The following IL1RAPL1 variants were observed in gnomAD, a reference collection of about 807,000 sequenced individuals.
The protein encoded by IL1RAPL1 is interleukin-1 receptor accessory protein-like 1.
In IL1RAPL1, 3 loss-of-function variants were observed where a neutral mutation model predicts 48.4. The ratio of observed to expected loss-of-function variants is 0.06; its 90% CI spans 0.03 to 0.16. The LOEUF (loss-of-function observed/expected upper bound fraction) is 0.16, where lower values mean the gene tolerates loss of function less well. IL1RAPL1 is among the 10% of genes least tolerant of loss of function. IL1RAPL1 has a pLI of 1.00. For missense variants in IL1RAPL1, 349 were observed against 530.6 expected (o/e 0.66, Z 3.36); for synonymous variants, 185 against 187.7 (o/e 0.99, Z 0.12).
At chrX:29,140,258 C>T (rs187686627) in intron 2 of IL1RAPL1, among the ~76,000 whole-genome samples, 138 of 111,884 alleles carry the variant, frequency 1.2e-3, no homozygotes, top group South Asian at 2.6e-3. Flanking sequence ...TAGGCCACAC[C>T]TCTAATATTG....
chrX:28,909,008 G>C (rs914734746), intron 2 of IL1RAPL1, among the ~76,000 whole-genome samples: 1 of 110,960 alleles, frequency 9.0e-6, no homozygotes, highest in Non-Finnish European at 1.9e-5. Context: ...GGCTATTCCA[G>C]CTGTTTTTTT....
chrX:28,906,743 AT>A (rs1474138352), intron 2 of IL1RAPL1, among the ~76,000 whole-genome samples: 2 of 111,495 alleles, frequency 1.8e-5, no homozygotes, highest in Admixed American at 9.6e-5. Context: ...CATTCTTTTC[AT>A]TTTTTTCATT....
At chrX:28,944,641 A>G (rs1029917315) in intron 2 of IL1RAPL1, among the ~76,000 whole-genome samples, 3 of 111,050 alleles carry the variant, frequency 2.7e-5, no homozygotes, top group African/African-American at 9.8e-5. Flanking sequence ...AATATCCGAC[A>G]TGAAAAAAGC....
At chrX:29,172,435 T>C (rs973040272) in intron 2 of IL1RAPL1, among the ~76,000 whole-genome samples, 1 of 111,427 alleles carries the variant, frequency 9.0e-6, no homozygotes, top group Admixed American at 9.6e-5. Context: ...AATTTTATTG[T>C]ATATATTTGA....
At chrX:29,832,268 T>C (rs1930897491) in intron 6 of IL1RAPL1, among the ~76,000 whole-genome samples, 1 of 112,023 alleles carries the variant, frequency 8.9e-6, no homozygotes, top group African/African-American at 3.2e-5. Flanking sequence ...CTTAAAAGTG[T>C]GCATATTATT....
intron 6 of IL1RAPL1, among the ~76,000 whole-genome samples, chrX:29,801,776 A>C (rs1388610384): frequency 8.9e-6 from 1 of 111,794 alleles, no homozygotes; most frequent in Non-Finnish European, 1.9e-5. Flanking sequence ...CTGTTTTACA[A>C]GTGGCATGGT....
intron 2 of IL1RAPL1, among the ~76,000 whole-genome samples, chrX:29,023,104 C>T (rs1926409026): frequency 8.9e-6 from 1 of 112,194 alleles, no homozygotes; most frequent in Admixed American, 9.5e-5. Flanking sequence ...ATAAACTCTA[C>T]TGCAGCCTCT....
chrX:29,734,596 A>C (rs1337920071), intron 6 of IL1RAPL1, among the ~76,000 whole-genome samples: 1 of 112,310 alleles, frequency 8.9e-6, no homozygotes, highest in East Asian at 2.8e-4. Flanking sequence ...CTAGTAAATA[A>C]CTGCCATTCT....
intron 5 of IL1RAPL1, among the ~76,000 whole-genome samples, chrX:29,637,749 C>A (rs1925020842): frequency 1.8e-5 from 2 of 111,646 alleles, no homozygotes. Flanking sequence ...AAAGCAGTAT[C>A]TCATCCCCTT....
At chrX:29,333,690 T>C (rs781608387) in intron 3 of IL1RAPL1, among the ~76,000 whole-genome samples, 86 of 32,438 alleles carry the variant, frequency 2.7e-3, no homozygotes, top group African/African-American at 4.3e-3. Flanking sequence ...CCGGACTGGG[T>C]GGCTGGCCGG....
rs980916327 is a variant in IL1RAPL1, at chrX:28,588,985, T to A, written c.-25+938T>A. The stretch of plus-strand genomic sequence containing the variant: ...ATGTGTCCTGTCTGCTACATCTATT[T>A]TACCCTTTCGGTAAAAAGTTAGAGA... On this transcript the variant is annotated intron_variant, in intron 1 of 10. Transcript: ENST00000378993. Among the ~76,000 whole-genome samples, 5 of 111,890 alleles carry A rather than the reference T, an allele frequency of 4.5e-5. No homozygotes were observed. In the East Asian group the frequency reaches 1.1e-3, roughly 25 times the overall value.
chrX:28,818,939 A>C (rs1000625578), intron 2 of IL1RAPL1, among the ~76,000 whole-genome samples: 1 of 110,764 alleles, frequency 9.0e-6, no homozygotes, highest in African/African-American at 3.3e-5. Flanking sequence ...TTCCTGTGTT[A>C]TTCATATTGG....
intron 2 of IL1RAPL1, among the ~76,000 whole-genome samples, chrX:29,187,378 C>T (rs190248067): frequency 9.0e-6 from 1 of 111,339 alleles, no homozygotes; most frequent in African/African-American, 3.3e-5. Flanking sequence ...ACAAAAGACA[C>T]AGAGTATTGG....
chrX:29,597,588 T>G (rs1923593175), intron 5 of IL1RAPL1, among the ~76,000 whole-genome samples: 1 of 112,417 alleles, frequency 8.9e-6, no homozygotes, highest in Non-Finnish European at 1.9e-5. Flanking sequence ...TCCCTCTTTC[T>G]CTGTCCTGTG....
chrX:28,916,556 G>C (rs1447969167), intron 2 of IL1RAPL1, among the ~76,000 whole-genome samples: 5 of 112,422 alleles, frequency 4.4e-5, no homozygotes, highest in Non-Finnish European at 9.4e-5. Context: ...CTTTAGAGCT[G>C]TGCTAGAATT....
chrX:28,625,961 C>T (rs961235565), intron 1 of IL1RAPL1, among the ~76,000 whole-genome samples: 4 of 111,643 alleles, frequency 3.6e-5, no homozygotes, highest in African/African-American at 1.3e-4. Context: ...TTATTAAGTC[C>T]ACAGAGAATA....
intron 2 of IL1RAPL1, among the ~76,000 whole-genome samples, chrX:29,217,641 G>A (rs1930896171): frequency 9.0e-6 from 1 of 111,246 alleles, no homozygotes; most frequent in African/African-American, 3.3e-5. Flanking sequence ...TTACACATAA[G>A]TTAAAGAAAA....
intron 1 of IL1RAPL1, among the ~76,000 whole-genome samples, chrX:28,641,893 C>T (rs1346318061): frequency 2.7e-5 from 3 of 110,591 alleles, no homozygotes; most frequent in Non-Finnish European, 5.7e-5. Flanking sequence ...CTGTTCATAT[C>T]GATGTGCTGT....
intron 2 of IL1RAPL1, among the ~76,000 whole-genome samples, chrX:29,130,453 A>T (rs1011386006): frequency 4.5e-5 from 5 of 112,035 alleles, no homozygotes; most frequent in African/African-American, 1.6e-4. Flanking sequence ...TAACTAAGAA[A>T]ATAGCCAAAA....
Sources: gnomAD v4.1 joint callset for allele counts (sites outside exome capture counted in the v4.1 genomes callset) on GRCh38, gnomAD v4.1.1 for gene constraint, MANE v1.5 for transcripts, NCBI Gene and HGNC (gene_info 2026-07-23, HGNC 2026-07-21) for gene names.